Variants in DMD observed in about 807,000 individuals in gnomAD.
DMD encodes the protein dystrophin, also known as mutant dystrophin.
DMD carries 63 observed loss-of-function variants against 330.1 expected under a neutral mutation model. The ratio of observed to expected loss-of-function variants is 0.19; its 90% CI spans 0.16 to 0.24. The LOEUF is 0.24. Among genes scored for constraint, DMD ranks in the 10% least tolerant of loss-of-function variants. The probability of loss-of-function intolerance (pLI) is 1.00; values close to 1 mark genes in which losing one functional copy is unlikely to be tolerated. For missense variants in DMD, 3,344 were observed against 2,684.1 expected, an observed-to-expected ratio of 1.25 and a Z score of -5.43; for synonymous variants, 1,223 against 959.8, an observed-to-expected ratio of 1.27 and a Z score of -5.07.
chrX:32,270,637 A>T (rs924858039), intron 43 of DMD, among the ~76,000 whole-genome samples: 1 of 111,392 alleles, frequency 9.0e-6, no homozygotes, highest in African/African-American at 3.3e-5. Flanking sequence ...AGAGAACGCT[A>T]GTTATAAATC....
chrX:32,225,505 T>C (rs1332759969), intron 43 of DMD, among the ~76,000 whole-genome samples: 3 of 111,692 alleles, frequency 2.7e-5, no homozygotes, highest in Non-Finnish European at 5.6e-5. Flanking sequence ...CAATTCCTTA[T>C]TTTCCCATGC....
intron 62 of DMD, among the ~76,000 whole-genome samples, chrX:31,309,873 T>C (rs2055337011): frequency 1.8e-5 from 2 of 111,935 alleles, no homozygotes; most frequent in African/African-American, 3.2e-5. Context: ...AAAACGTTCA[T>C]GTAGCTATGC....
chrX:32,443,155 C>T (rs1275449460), intron 27 of DMD, among the ~76,000 whole-genome samples: 4 of 110,514 alleles, frequency 3.6e-5, no homozygotes, highest in African/African-American at 1.3e-4. Context: ...ACCACCTGCC[C>T]CCGCCTCACT....
At chrX:32,638,325 G>C (rs886635311) in intron 11 of DMD, among the ~76,000 whole-genome samples, 2 of 111,302 alleles carry the variant, frequency 1.8e-5, no homozygotes, top group Non-Finnish European at 3.8e-5. Context: ...TAAAATATTT[G>C]GCCCACGTCA....
At chrX:33,069,657 A>G (rs1303737565) in intron 1 of DMD, among the ~76,000 whole-genome samples, 2 of 111,736 alleles carry the variant, frequency 1.8e-5, no homozygotes, top group African/African-American at 6.5e-5. Context: ...TCCATTTCTT[A>G]GCAGAAAAAC....
At chrX:31,330,797 A>G (rs2057080082) in intron 61 of DMD, among the ~76,000 whole-genome samples, 1 of 111,806 alleles carries the variant, frequency 8.9e-6, no homozygotes, top group African/African-American at 3.3e-5. Context: ...TTCCCATTCC[A>G]ATTTTTTTCT....
intron 17 of DMD, among the ~76,000 whole-genome samples, chrX:32,538,892 CA>C (rs2048239902): frequency 9.1e-6 from 1 of 109,696 alleles, no homozygotes; most frequent in South Asian, 4.1e-4. Flanking sequence ...TTTTTGGGCC[CA>C]CCAGCAGTGT....
chrX:32,276,168 G>A (rs1347727046), intron 43 of DMD, among the ~76,000 whole-genome samples: 6 of 112,229 alleles, frequency 5.3e-5, no homozygotes, highest in African/African-American at 1.6e-4. Flanking sequence ...GTGCACGGAG[G>A]GAATATTTGA....
intron 2 of DMD, among the ~76,000 whole-genome samples, chrX:32,894,237 C>T (rs2085484268): frequency 8.9e-6 from 1 of 111,943 alleles, no homozygotes; most frequent in Non-Finnish European, 1.9e-5. Flanking sequence ...TGTACTGAAC[C>T]CCTATAACCC....
intron 27 of DMD, among the ~76,000 whole-genome samples, chrX:32,445,069 G>GA (rs2098297626): frequency 9.0e-6 from 1 of 111,679 alleles, no homozygotes; most frequent in Non-Finnish European, 1.9e-5. Context: ...TGGTTAAAAA[G>GA]ACATAATATT....
At chrX:31,403,652 T>C (rs2061290283) in intron 60 of DMD, among the ~76,000 whole-genome samples, 1 of 111,596 alleles carries the variant, frequency 9.0e-6, no homozygotes, top group Non-Finnish European at 1.9e-5. Flanking sequence ...TGAGAAGCTA[T>C]TGAAATGAGG....
At chrX:32,558,273 G>A (rs1842170273) in intron 16 of DMD, among the ~76,000 whole-genome samples, 1 of 111,729 alleles carries the variant, frequency 9.0e-6, no homozygotes, top group Admixed American at 9.6e-5. Context: ...TGCAAAAATT[G>A]CAAAGCAATG....
chrX:32,827,788 A>G (rs1034902526), intron 4 of DMD, among the ~76,000 whole-genome samples: 1 of 109,279 alleles, frequency 9.2e-6, no homozygotes, highest in Admixed American at 9.8e-5. Flanking sequence ...CAGCCTCCCA[A>G]GTAGCTGGGA....
Position 32,828,997 on chromosome X carries a change from C to G in DMD, c.265-5610G>C, listed in dbSNP as rs185559541. 7.3e-3 allele frequency among the ~76,000 whole-genome samples: 808 copies of G among 111,023 alleles called. 8 individuals carry two copies. Among genetic ancestry groups the G allele is most frequent in the African/African-American group, 0.025 (768 of 30,665 alleles). On this transcript the variant is annotated intron_variant, in intron 4 of 78. Coordinates refer to ENST00000357033, the MANE Select transcript of DMD (RefSeq NM_004006.3). ...TTTTCCTTCTTGAATTTTAAGAGCT[C>G]TTGGTAAATAAGAGATAACATTTGT...
intron 30 of DMD, among the ~76,000 whole-genome samples, chrX:32,400,474 A>C (rs1814015560): frequency 9.0e-6 from 1 of 110,975 alleles, no homozygotes; most frequent in Admixed American, 9.6e-5. Context: ...TGGCCTCATA[A>C]AATGAGTTAG....
chrX:31,635,862 A>G (rs2079381421), intron 54 of DMD, among the ~76,000 whole-genome samples: 1 of 111,877 alleles, frequency 8.9e-6, no homozygotes, highest in Non-Finnish European at 1.9e-5. Flanking sequence ...GCTCAACATC[A>G]CTGATCATTG....
intron 1 of DMD, chrX:33,159,186 C>G (rs1346978058): frequency 1.8e-5 from 2 of 111,804 alleles, no homozygotes; most frequent in African/African-American, 6.5e-5. Flanking sequence ...CTGTTATTTT[C>G]CCACTTCATA....
At chrX:31,144,022 C>T (rs1441038894) in intron 76 of DMD, among the ~76,000 whole-genome samples, 2 of 111,786 alleles carry the variant, frequency 1.8e-5, no homozygotes, top group Admixed American at 9.5e-5. Flanking sequence ...GATAATCTGA[C>T]ACAGAGATTG....
chrX:32,947,919 C>T (rs1324550969), intron 2 of DMD, among the ~76,000 whole-genome samples: 1 of 111,162 alleles, frequency 9.0e-6, no homozygotes, highest in Non-Finnish European at 1.9e-5. Flanking sequence ...GTACAACAGA[C>T]CGAAGGCAAT....
Sources: allele counts gnomAD v4.1 joint callset (sites outside exome capture counted in the v4.1 genomes callset), GRCh38; gene constraint gnomAD v4.1.1; transcripts MANE v1.5; gene names NCBI Gene and HGNC (gene_info 2026-07-23, HGNC 2026-07-21).